The following EZH1 variants were observed in gnomAD, a reference collection of about 807,000 sequenced individuals.
EZH1 encodes the protein histone-lysine N-methyltransferase EZH1.
EZH1 carries 33 observed loss-of-function variants against 100.5 expected under a neutral mutation model. That is an observed-to-expected ratio of 0.33 (90% CI 0.25 to 0.44). EZH1 has a LOEUF of 0.44. Ranked by LOEUF, EZH1 falls within the 20% of genes least tolerant of loss-of-function variation. The pLI is 1.00. For missense variants in EZH1, 475 were observed against 928.4 expected, an observed-to-expected ratio of 0.51 and a Z score of 6.35; for synonymous variants, 272 against 313.8, an observed-to-expected ratio of 0.87 and a Z score of 1.41.
intron 3 of EZH1, among the ~76,000 whole-genome samples, chr17:42,728,320 G>GTC (rs2053865727): frequency 6.7e-6 from 1 of 149,158 alleles, no homozygotes; most frequent in African/African-American, 2.5e-5. Context: ...CACCAGGTAG[G>GTC]ACAGGCTGGT....
intron 2 of EZH1, among the ~76,000 whole-genome samples, chr17:42,729,857 C>T (rs2053905416): frequency 6.6e-6 from 1 of 151,436 alleles, no homozygotes; most frequent in African/African-American, 2.4e-5. Flanking sequence ...GGCCAAGATG[C>T]TGAAACCCCG....
At chr17:42,743,934 T>G (rs185660922) in intron 1 of EZH1, among the ~76,000 whole-genome samples, 29 of 152,222 alleles carry the variant, frequency 1.9e-4, no homozygotes, top group African/African-American at 5.3e-4. Flanking sequence ...TTCCTAAATT[T>G]AAAAAACATG....
At position 42,717,961 on chromosome 17, in the gene EZH1, A is replaced by G; in HGVS notation, c.1023+15T>C. ...AGAATGAAGTTAATAATGCCAGAAC[A>G]GCTTAAGAACATACCAGCAAAAGGA... is the stretch of plus-strand genomic sequence containing the variant. On this transcript the variant is annotated intron_variant, in intron 10 of 20. Coordinates refer to ENST00000428826, the MANE Select transcript of EZH1 (RefSeq NM_001991.5). The G allele has an allele frequency of 6.2e-7, 1 of 1,612,744 alleles. No homozygotes were observed. The highest frequency in any genetic ancestry group is 8.5e-7 in the Non-Finnish European group (1 of 1,178,706).
At chr17:42,727,863 C>T (rs1401175423) in intron 3 of EZH1, 100 bp from the exon 4 acceptor site, 8 of 929,650 alleles carry the variant, frequency 8.6e-6, no homozygotes, top group Middle Eastern at 4.3e-4. Flanking sequence ...GTCACCCAGG[C>T]TGGAGTGTAG....
In EZH1 at chr17:42,710,443, G is replaced by T. The variant is rs2053454016; in HGVS notation, c.1402-506C>A. ...TGGTTTTTAGTTTTTCCTTTTCTTT[G>T]TTGGGGCTATTGGCCCTTTGTGGGG... On this transcript the variant is annotated intron_variant, in intron 12 of 20. Coordinates refer to ENST00000428826, the MANE Select transcript of EZH1 (RefSeq NM_001991.5). Among the ~76,000 whole-genome samples, 3 of 152,156 alleles carry T rather than the reference G, an allele frequency of 2.0e-5. No homozygotes were observed. In the South Asian group the frequency reaches 6.2e-4, roughly 32 times the overall value.
At position 42,702,511 on chromosome 17, in the gene EZH1, C is replaced by T; in HGVS notation, c.*21G>A. On this transcript the variant is annotated 3_prime_UTR_variant, in exon 21 of 21. Transcript: ENST00000428826. ...CAAGACAGTGCCGCTACCATAAGTG[C>T]TGCCGTGGGGCCTGGGAGGGCTAAA... 1.3e-6 allele frequency: 2 copies of T among 1,505,680 alleles called. No homozygotes were observed. Among genetic ancestry groups the T allele is most frequent in the Non-Finnish European group, 1.8e-6 (2 of 1,120,896 alleles). 93.3% of individuals were successfully genotyped at this position (1,505,680 alleles called of 1,614,324 possible).
At chr17:42,704,494 G>C in intron 18 of EZH1, 108 bp downstream of exon 18, 1 of 811,620 alleles carries the variant, frequency 1.2e-6, no homozygotes, top group Non-Finnish European at 2.0e-6. Flanking sequence ...GCTACAGTGA[G>C]CCAAGATCGC....
chr17:42,735,391 A>T (rs1016862445), intron 1 of EZH1, among the ~76,000 whole-genome samples: 6 of 152,170 alleles, frequency 3.9e-5, no homozygotes, highest in Admixed American at 6.6e-5. Flanking sequence ...GGGAACAAAT[A>T]AAAAACTTAG....
intron 1 of EZH1, among the ~76,000 whole-genome samples, chr17:42,737,140 C>T (rs933446233): frequency 6.6e-6 from 1 of 152,078 alleles, no homozygotes; most frequent in South Asian, 2.1e-4. Context: ...CACATGCCAC[C>T]GCGCCGAGCT....
intron 1 of EZH1, among the ~76,000 whole-genome samples, chr17:42,737,017 G>T (rs542049180): frequency 6.8e-6 from 1 of 147,390 alleles, no homozygotes; most frequent in Non-Finnish European, 1.5e-5. Context: ...ACAGAGTCTC[G>T]CTCTGTCGCC....
In EZH1 at chr17:42,703,232, T is replaced by C. The variant is rs1366644041; in HGVS notation, c.2099-271A>G. 5 of 388,748 alleles carry C rather than the reference T, an allele frequency of 1.3e-5. No individual in the cohort carries two copies. The Admixed American group carries it at 2.0e-4, about 15-fold the overall frequency. The allele number at this position is 388,748 out of a possible 1,614,324, so 24.1% of individuals were successfully genotyped here. On this transcript the variant is annotated intron_variant, in intron 19 of 20. Coordinates refer to ENST00000428826, the MANE Select transcript of EZH1 (RefSeq NM_001991.5). ...CTCTGTTGCCCAGGCTGGAGTGCAG[T>C]GGCATGATCTTGGCTCATTGCAACC...
chr17:42,733,660 G>C (rs1280545531), intron 1 of EZH1, among the ~76,000 whole-genome samples: 1 of 110,128 alleles, frequency 9.1e-6, no homozygotes, highest in Non-Finnish European at 1.9e-5. Flanking sequence ...AAAAAAAAAA[G>C]GCCGGGCAGG....
At chr17:42,743,551 C>T (rs989256132) in intron 1 of EZH1, among the ~76,000 whole-genome samples, 1 of 151,264 alleles carries the variant, frequency 6.6e-6, no homozygotes, top group Admixed American at 6.6e-5. Context: ...CTCATTGCAA[C>T]CTTGACCTCC....
At chr17:42,743,929 A>G (rs978206452) in intron 1 of EZH1, among the ~76,000 whole-genome samples, 7 of 152,170 alleles carry the variant, frequency 4.6e-5, no homozygotes, top group Non-Finnish European at 2.9e-5. Context: ...TCAGTTTCCT[A>G]AATTTAAAAA....
intron 1 of EZH1, among the ~76,000 whole-genome samples, chr17:42,738,745 C>A (rs1414456322): frequency 1.3e-5 from 2 of 150,120 alleles, no homozygotes; most frequent in African/African-American, 4.9e-5. Context: ...AGCCACCGGG[C>A]CTGGCCTAGA....
intron 10 of EZH1, among the ~76,000 whole-genome samples, chr17:42,714,113 T>C (rs1219086761): frequency 1.3e-5 from 2 of 152,232 alleles, no homozygotes; most frequent in African/African-American, 4.8e-5. Flanking sequence ...CAGAAGAATA[T>C]TGTTTCATTA....
intron 2 of EZH1, among the ~76,000 whole-genome samples, chr17:42,730,484 ATT>A (rs2053918471): frequency 1.1e-5 from 1 of 87,836 alleles, no homozygotes; most frequent in African/African-American, 4.4e-5. Context: ...AGAAGTATGT[ATT>A]CTTTTTTTTT....
chr17:42,716,987 G>A (rs548999531), intron 10 of EZH1, among the ~76,000 whole-genome samples: 112 of 152,186 alleles, frequency 7.4e-4, no homozygotes, highest in African/African-American at 2.3e-3. Context: ...TGTGCACTAC[G>A]ACGCCTGGCT....
chr17:42,710,056 A>C, intron 12 of EZH1, 119 bp from the exon 13 acceptor site: 1 of 788,372 alleles, frequency 1.3e-6, no homozygotes, highest in East Asian at 2.5e-5. Flanking sequence ...CAAGCCTCTC[A>C]TCAGTCAGGG....
Sources: gnomAD v4.1 joint callset for allele counts (sites outside exome capture counted in the v4.1 genomes callset) on GRCh38, gnomAD v4.1.1 for gene constraint, MANE v1.5 for transcripts, NCBI Gene and HGNC (gene_info 2026-07-23, HGNC 2026-07-21) for gene names.